LRP5: variants seen among roughly 807,000 people sequenced by gnomAD.
LRP5 encodes low-density lipoprotein receptor-related protein 5.
LRP5 carries 62 observed loss-of-function variants against 154.1 expected under a neutral mutation model. That is an observed-to-expected ratio of 0.40 (90% CI 0.33 to 0.50). The LOEUF (loss-of-function observed/expected upper bound fraction) is 0.50. LRP5 is among the 20% of genes least tolerant of loss of function. The pLI, the probability that LRP5 is intolerant of heterozygous loss-of-function variation, is 0.55. For missense variants in LRP5, 1,915 were observed against 2,336.7 expected (o/e 0.82, Z 3.72); for synonymous variants, 966 against 1,011.5 (o/e 0.96, Z 0.85).
intron 15 of LRP5, among the ~76,000 whole-genome samples, chr11:68,425,640 G>A (rs752294506): frequency 6.3e-4 from 96 of 152,248 alleles, no homozygotes; most frequent in Non-Finnish European, 7.1e-4. Context: ...ATGAGAGTTG[G>A]TGCTTAGAGA....
At chr11:68,380,612 G>A (rs1200873436) in intron 5 of LRP5, among the ~76,000 whole-genome samples, 2 of 152,212 alleles carry the variant, frequency 1.3e-5, no homozygotes, top group African/African-American at 4.8e-5. Context: ...CACGCACGGC[G>A]GGCTGTTTGC....
chr11:68,432,966 C>T (rs543270171), intron 17 of LRP5, among the ~76,000 whole-genome samples: 1 of 152,354 alleles, frequency 6.6e-6, no homozygotes, highest in South Asian at 2.1e-4. Flanking sequence ...TCCCTTTCAG[C>T]GCCCTCCCCG....
rs1204389855 is a variant in LRP5 at position 68,423,593 on chromosome 11, C to A, written c.3132C>A (p.Ala1044=). Residue 1044 remains alanine (A), a synonymous_variant, in exon 14 of 23, where the codon GCC becomes GCA. Transcript: ENST00000294304. This position sits in a 1 kb window ranked among gnomAD's most constrained non-coding sequence, Gnocchi z 4.7. ...GGACACTGTTCTGGACGTGCGAGGC[C>A]ACCAATACCATCAACGTCCACAGGC... The part of the protein sequence containing the change: ...YSRTLFWTCE[A]TNTINVHRLS... The A allele has an allele frequency of 6.2e-7, 1 of 1,614,100 alleles. No homozygotes were observed. Among genetic ancestry groups the A allele is most frequent in the African/African-American group, 1.3e-5 (1 of 74,940 alleles).
intron 4 of LRP5, 100 bp from the exon 5 acceptor site, chr11:68,365,471 C>T (rs2098630446): frequency 1.3e-6 from 2 of 1,570,014 alleles, no homozygotes; most frequent in African/African-American, 1.3e-5. Flanking sequence ...GAGGGACACA[C>T]TGGAGGCTGT....
Position 68,449,038 on chromosome 11 carries a change from C to A in LRP5, c.4816C>A (p.Pro1606Thr). ...GAGGAGCTACTTCCATCTCTTCCCG[C>A]CCCCTCCGTCCCCCTGCACGGACTC... is the stretch of plus-strand genomic sequence containing the variant. ...TERSYFHLFPPPPSPCTDSS is the reference protein window; with the variant it reads ...TERSYFHLFPTPPSPCTDSS The change falls in exon 23 of 23, where the codon CCC becomes ACC. Residue 1606 changes from proline to threonine, a missense_variant. Transcript: ENST00000294304. 6.3e-7 allele frequency: 1 copy of A among 1,578,376 alleles called. No individual in the cohort carries two copies. The highest frequency in any genetic ancestry group is 1.3e-5 in the African/African-American group (1 of 74,758).
chr11:68,312,634 G>GGGAGCCGCGCGAGGAGCC lies in LRP5; in HGVS notation c.-79_-62dup. 1.6e-6 allele frequency: 1 copy of GGGAGCCGCGCGAGGAGCC among 608,942 alleles called. No homozygotes were observed. Among genetic ancestry groups the GGGAGCCGCGCGAGGAGCC allele is most frequent in the Non-Finnish European group, 2.1e-6 (1 of 486,214 alleles). 37.7% of individuals were successfully genotyped at this position (608,942 alleles called of 1,614,324 possible). A position where few individuals can be genotyped will look rare whatever the true frequency, so the allele number is the denominator to read the frequency against. On this transcript the variant is annotated 5_prime_UTR_variant, in exon 1 of 23. Transcript: ENST00000294304. ...GCCCGAGGGGGGAGGCGGAGGCGCC[G>GGGAGCCGCGCGAGGAGCC]GGAGCCGCGCGAGGAGCCGCCGCCG...
At chr11:68,407,057 T>C (rs571392170) in intron 9 of LRP5, among the ~76,000 whole-genome samples, 103 of 152,294 alleles carry the variant, frequency 6.8e-4, no homozygotes, top group Non-Finnish European at 1.2e-3. Context: ...TTGTTGTCCG[T>C]TGAGCTTGAC....
At chr11:68,326,180 G>C (rs1198368573) in intron 1 of LRP5, among the ~76,000 whole-genome samples, 3 of 152,240 alleles carry the variant, frequency 2.0e-5, no homozygotes, top group Non-Finnish European at 4.4e-5. Context: ...TAGGAGTCTG[G>C]GGGACAGGTG....
chr11:68,438,701 G>A lies in LRP5; in HGVS notation c.4348+19G>A, dbSNP rs112052770. On this transcript the variant is annotated intron_variant, in intron 20 of 22. Coordinates refer to ENST00000294304, the MANE Select transcript of LRP5 (RefSeq NM_002335.4). The stretch of plus-strand genomic sequence containing the variant: ...TTCACAGGTAAGGAGCCTGAGATAT[G>A]GAATGATCTGGAGGAGGCAGGAGAG... The A allele has an allele frequency of 9.7e-5, 155 of 1,604,364 alleles. No homozygotes were observed. In the African/African-American group the frequency reaches 1.7e-3, roughly 18 times the overall value.
chr11:68,364,554 GC>G (rs1296504862), intron 4 of LRP5, among the ~76,000 whole-genome samples: 1 of 152,054 alleles, frequency 6.6e-6, no homozygotes, highest in Non-Finnish European at 1.5e-5. Flanking sequence ...TGAATAATCT[GC>G]CCAGAATCAG....
rs562408883 is a variant in LRP5, at chr11:68,374,151, A to G, written c.1015+8449A>G. On this transcript the variant is annotated intron_variant, in intron 5 of 22. Coordinates refer to ENST00000294304, the MANE Select transcript of LRP5 (RefSeq NM_002335.4). ...ATGGAGTGGGGGCAGCGGGAGGAACAGAGGGGGCCACTGTCGAGTCTGACG... is the reference window on the plus strand; with the variant it reads ...ATGGAGTGGGGGCAGCGGGAGGAACGGAGGGGGCCACTGTCGAGTCTGACG... Among the ~76,000 whole-genome samples, 342 of 152,154 alleles carry G rather than the reference A, an allele frequency of 2.2e-3. 3 individuals carry two copies. Among genetic ancestry groups the G allele is most frequent in the Non-Finnish European group, 3.6e-3 (242 of 68,008 alleles).
intron 12 of LRP5, among the ~76,000 whole-genome samples, chr11:68,415,731 A>G (rs1444881319): frequency 2.1e-5 from 1 of 48,000 alleles, no homozygotes; most frequent in African/African-American, 4.5e-5. Flanking sequence ...GGGCAACAAG[A>G]GCGAAACTCC....
rs112361168 is a variant in LRP5, at chr11:68,411,945, G to A, written c.2503+325G>A. 1.5e-4 allele frequency among the ~76,000 whole-genome samples: 23 copies of A among 152,276 alleles called. 1 individual carries two copies. Among genetic ancestry groups the A allele is most frequent in the African/African-American group, 5.5e-4 (23 of 41,548 alleles). ...ACACATGGTGGTTTTCATTGCTGGG[G>A]AAGCTGAGGCCTGAGCACATGACTT... is the stretch of plus-strand genomic sequence containing the variant. On this transcript the variant is annotated intron_variant, in intron 11 of 22. Transcript: ENST00000294304.
chr11:68,354,463 T>G (rs1386568564), intron 2 of LRP5, among the ~76,000 whole-genome samples: 1 of 151,988 alleles, frequency 6.6e-6, no homozygotes, highest in East Asian at 1.9e-4. Flanking sequence ...CTGTGTGGAT[T>G]CCCCCCCAAG....
Position 68,348,243 on chromosome 11 carries a change from G to C in LRP5, c.488G>C (p.Gly163Ala). 6.2e-7 allele frequency: 1 copy of C among 1,604,324 alleles called. No homozygotes were observed. The highest frequency in any genetic ancestry group is 8.5e-7 in the Non-Finnish European group (1 of 1,179,988). Residue 163 changes from glycine (G) to alanine (A), a missense_variant and splice_region_variant, in exon 2 of 23, where the codon GGG becomes GCG. Physicochemically the swap from Gly to Ala is moderately conservative, Grantham distance 60 (BLOSUM62 0). Coordinates refer to ENST00000294304, the MANE Select transcript of LRP5 (RefSeq NM_002335.4). Reference sequence around the variant, plus strand: ...GCCATCGCCTTGGACCCCGCTCACGGGTAAACCCTGCTGCGACTCCACCTG... The same window carrying C: ...GCCATCGCCTTGGACCCCGCTCACGCGTAAACCCTGCTGCGACTCCACCTG... ...PRAIALDPAH[G>A]YMYWTDWGET...
chr11:68,386,747 GCCAGGCCAAGCA>G lies in LRP5; in HGVS notation c.1412+37_1412+48del. 1 of 1,600,260 alleles carries G rather than the reference GCCAGGCCAAGCA, an allele frequency of 6.2e-7. No homozygotes were observed. The highest frequency in any genetic ancestry group is 8.5e-7 in the Non-Finnish European group (1 of 1,172,766). ...GCGGGGGCTGGGGCCTGGAGCCAGG[GCCAGGCCAAGCA>G]CAGGCGAGAGGGAGATTGACCTGGA... is the stretch of plus-strand genomic sequence containing the variant. On this transcript the variant is annotated intron_variant, in intron 6 of 22. Transcript: ENST00000294304. This position sits in a 1 kb window ranked among gnomAD's most constrained non-coding sequence, Gnocchi z 7.9.
intron 1 of LRP5, among the ~76,000 whole-genome samples, chr11:68,328,951 A>T (rs1027185653): frequency 5.3e-5 from 8 of 152,102 alleles, no homozygotes; most frequent in African/African-American, 1.9e-4. Flanking sequence ...TCGCTTTGTG[A>T]CTTGAGACTG....
intron 14 of LRP5, among the ~76,000 whole-genome samples, chr11:68,424,413 G>T (rs565324552): frequency 7.9e-5 from 12 of 152,250 alleles, no homozygotes; most frequent in Admixed American, 2.6e-4. Context: ...TTCCTCATTG[G>T]TAGGAGTGAC....
At chr11:68,417,339 G>GT (rs950892948) in intron 13 of LRP5, among the ~76,000 whole-genome samples, 10 of 145,018 alleles carry the variant, frequency 6.9e-5, no homozygotes, top group African/African-American at 2.5e-4. Flanking sequence ...GCCGGCTGTA[G>GT]TTTTTTGCAT....
Sources: gnomAD v4.1 joint callset for allele counts (sites outside exome capture counted in the v4.1 genomes callset) on GRCh38, gnomAD v4.1.1 for gene constraint, Gnocchi (gnomAD v3.1) non-coding constraint, MANE v1.5 for transcripts, NCBI Gene and HGNC (gene_info 2026-07-23, HGNC 2026-07-21) for gene names.